ITGA1: variants seen among roughly 807,000 people sequenced by gnomAD.
ITGA1 encodes integrin subunit alpha 1, also known as integrin alpha-1.
Under a neutral mutation model 145.9 loss-of-function variants are expected in ITGA1, and 85 were observed. That is an observed-to-expected ratio of 0.58 (90% CI 0.49 to 0.70). ITGA1 has a LOEUF of 0.70. ITGA1 is among the 30% of genes least tolerant of loss of function. The pLI is 0.00. For synonymous variants in ITGA1, 520 were observed against 495.3 expected, an observed-to-expected ratio of 1.05 and a Z score of -0.66; for missense variants, 1,351 against 1,418.7, an observed-to-expected ratio of 0.95 and a Z score of 0.77.
At chr5:52,834,560 G>GAGAAAGAGAGAAAAA (rs1554042405) in intron 1 of ITGA1, among the ~76,000 whole-genome samples, 1 of 130,690 alleles carries the variant, frequency 7.7e-6, no homozygotes, top group Non-Finnish European at 1.7e-5. Flanking sequence ...GAAAGAGAGA[G>GAGAAAGAGAGAAAAA]AGAAAGAGAG....
intron 1 of ITGA1, among the ~76,000 whole-genome samples, chr5:52,793,754 C>T (rs971294988): frequency 6.6e-6 from 1 of 151,982 alleles, no homozygotes; most frequent in Non-Finnish European, 1.5e-5. Context: ...GATAATTGCT[C>T]CTCTGGCACC....
intron 1 of ITGA1, 80 bp from the exon 2 acceptor site, chr5:52,849,285 T>G: frequency 7.9e-7 from 1 of 1,257,900 alleles, no homozygotes; most frequent in African/African-American, 1.5e-5. Flanking sequence ...GATGGTAACC[T>G]TAACCATGCC....
At chr5:52,878,448 T>G (rs7703604) in intron 6 of ITGA1, among the ~76,000 whole-genome samples, 101 of 152,292 alleles carry the variant, frequency 6.6e-4, no homozygotes, top group African/African-American at 2.4e-3. Context: ...GTGAAGATAA[T>G]TTTTCCGGAC....
intron 1 of ITGA1, among the ~76,000 whole-genome samples, chr5:52,842,710 A>G (rs1749272914): frequency 6.9e-6 from 1 of 145,050 alleles, no homozygotes. Context: ...TTTTGAGATG[A>G]AGTCTCACTC....
At chr5:52,817,090 C>T (rs1037968412) in intron 1 of ITGA1, among the ~76,000 whole-genome samples, 4 of 152,150 alleles carry the variant, frequency 2.6e-5, no homozygotes, top group African/African-American at 9.7e-5. Context: ...CAATGCTATC[C>T]ACTAAGAAAT....
intron 6 of ITGA1, among the ~76,000 whole-genome samples, chr5:52,873,236 T>C (rs1288092416): frequency 1.3e-5 from 2 of 152,184 alleles, no homozygotes; most frequent in African/African-American, 4.8e-5. Context: ...ACCCTTTACA[T>C]TGTATTTCAG....
intron 2 of ITGA1, among the ~76,000 whole-genome samples, chr5:52,855,344 GA>G (rs951415914): frequency 3.3e-5 from 5 of 149,780 alleles, no homozygotes; most frequent in African/African-American, 9.8e-5. Flanking sequence ...CTCTAAAATG[GA>G]AAAAAAAAGA....
intron 1 of ITGA1, among the ~76,000 whole-genome samples, chr5:52,810,441 A>G (rs898792094): frequency 1.3e-5 from 2 of 152,246 alleles, no homozygotes; most frequent in African/African-American, 4.8e-5. Flanking sequence ...TAAGTTGTTC[A>G]TTTTACTAAA....
At position 52,849,748 on chromosome 5, in the gene ITGA1, T is replaced by C. The variant is rs150214571; in HGVS notation, c.182+263T>C. 1.5e-3 allele frequency among the ~76,000 whole-genome samples: 221 copies of C among 152,294 alleles called. 1 individual carries two copies. Among genetic ancestry groups the C allele is most frequent in the African/African-American group, 4.9e-3 (205 of 41,536 alleles). ...AGGTCTGTATCCAAAAAAGCTATTGTTCCATAATTATGTTTTTTGGCAAGA... is the reference window on the plus strand; with the variant it reads ...AGGTCTGTATCCAAAAAAGCTATTGCTCCATAATTATGTTTTTTGGCAAGA... On this transcript the variant is annotated intron_variant, in intron 2 of 28. Coordinates refer to ENST00000282588, the MANE Select transcript of ITGA1 (RefSeq NM_181501.2).
chr5:52,875,511 A>C (rs1304772545), intron 6 of ITGA1, among the ~76,000 whole-genome samples: 1 of 152,150 alleles, frequency 6.6e-6, no homozygotes, highest in Non-Finnish European at 1.5e-5. Context: ...TGTTCTACTT[A>C]ATCAAGAGGT....
chr5:52,876,384 T>G (rs1477996481), intron 6 of ITGA1, among the ~76,000 whole-genome samples: 1 of 152,178 alleles, frequency 6.6e-6, no homozygotes, highest in African/African-American at 2.4e-5. Flanking sequence ...TGCCATTATT[T>G]TTAATAAATG....
At chr5:52,844,106 A>G (rs554784049) in intron 1 of ITGA1, among the ~76,000 whole-genome samples, 2 of 152,300 alleles carry the variant, frequency 1.3e-5, no homozygotes, top group African/African-American at 4.8e-5. Context: ...CTTCAACACC[A>G]GCAATTTCAT....
intron 5 of ITGA1, 64 bp downstream of exon 5, chr5:52,865,146 A>G (rs1561230946): frequency 1.7e-6 from 2 of 1,153,080 alleles, no homozygotes; most frequent in Non-Finnish European, 2.5e-6. Flanking sequence ...AGACGTATGT[A>G]TACAAAGGAA....
At chr5:52,858,059 A>T (rs1749544125) in intron 2 of ITGA1, among the ~76,000 whole-genome samples, 1 of 152,154 alleles carries the variant, frequency 6.6e-6, no homozygotes, top group South Asian at 2.1e-4. Flanking sequence ...CATCCTCTGT[A>T]CTTCCTGAAT....
chr5:52,824,351 G>T (rs1424033317), intron 1 of ITGA1: 1 of 150,698 alleles, frequency 6.6e-6, no homozygotes, highest in Non-Finnish European at 1.5e-5. Flanking sequence ...GAGCGGAATG[G>T]CATGATCCCA....
At chr5:52,836,645 C>T (rs1426805530) in intron 1 of ITGA1, among the ~76,000 whole-genome samples, 1 of 152,052 alleles carries the variant, frequency 6.6e-6, no homozygotes, top group Non-Finnish European at 1.5e-5. Context: ...CTTGTGCCTT[C>T]TCAGATCTGC....
chr5:52,947,635 C>T (rs1323365562), intron 28 of ITGA1, among the ~76,000 whole-genome samples, 174 bp downstream of exon 28: 1 of 152,070 alleles, frequency 6.6e-6, no homozygotes, highest in Non-Finnish European at 1.5e-5. Flanking sequence ...ACACTGCACA[C>T]AACTTGACCC....
chr5:52,865,740 A>G lies in ITGA1; in HGVS notation c.547A>G (p.Ile183Val). ...CATAGTGCTGGATGGTTCCAACAGT[A>G]TTTACCCATGGGACAGTGTTACAGC... ...IVIVLDGSNSIYPWDSVTAFL... is the reference protein window; with the variant it reads ...IVIVLDGSNSVYPWDSVTAFL... Residue 183 changes from isoleucine to valine, a missense_variant, in exon 6 of 29, where the codon ATT (isoleucine) becomes GTT (valine). By Grantham distance (29) the Ile-to-Val change is conservative. Transcript: ENST00000282588. 1.2e-6 allele frequency: 2 copies of G among 1,603,514 alleles called. No homozygotes were observed. The highest frequency in any genetic ancestry group is 1.7e-6 in the Non-Finnish European group (2 of 1,176,042).
At chr5:52,928,804 G>A (rs2452865) in intron 20 of ITGA1, among the ~76,000 whole-genome samples, 70,123 of 152,042 alleles carry the variant, frequency 0.46, 17,058 homozygotes, top group Non-Finnish European at 0.54. Flanking sequence ...GAAACAGAAC[G>A]AAAAGTTGAT....
Sources: gnomAD v4.1 joint callset for allele counts (sites outside exome capture counted in the v4.1 genomes callset) on GRCh38, gnomAD v4.1.1 for gene constraint, MANE v1.5 for transcripts, NCBI Gene and HGNC (gene_info 2026-07-23, HGNC 2026-07-21) for gene names.